CNTN1: variants seen among roughly 807,000 people sequenced by gnomAD.
CNTN1 encodes contactin 1.
A neutral mutation model predicts 126.4 loss-of-function variants in CNTN1; 38 were observed. The observed-to-expected ratio is 0.30, with a 90% CI of 0.23 to 0.39. The LOEUF is 0.39. CNTN1 is among the 10% of genes least tolerant of loss of function. The pLI, the probability that CNTN1 is intolerant of heterozygous loss-of-function variation, is 1.00. For missense variants in CNTN1, 1,009 were observed against 1,248.4 expected (o/e 0.81, Z 2.89); for synonymous variants, 413 against 422.6 (o/e 0.98, Z 0.28).
Position 40,922,418 on chromosome 12 carries a change from G to C in CNTN1, c.390G>C (p.Leu130=). The change falls in exon 5 of 24, where the codon CTG becomes CTC. Residue 130 remains leucine (L), a synonymous_variant. Coordinates refer to ENST00000551295, the MANE Select transcript of CNTN1 (RefSeq NM_001843.4). Reference sequence around the variant, plus strand: ...TGGTCAGAAGCACTGAAGCAACCCTGAGCTTTGGATGTAAGTAAACTGTAA... The same window carrying C: ...TGGTCAGAAGCACTGAAGCAACCCTCAGCTTTGGATGTAAGTAAACTGTAA... The part of the protein sequence containing the change: ...YGMVRSTEAT[L]SFGYLDPFPP... 1 of 1,613,932 alleles carries C rather than the reference G, an allele frequency of 6.2e-7. No homozygotes were observed. Among genetic ancestry groups the C allele is most frequent in the Non-Finnish European group, 8.5e-7 (1 of 1,179,880 alleles).
At chr12:40,867,267 G>A (rs1469285099) in intron 1 of CNTN1, among the ~76,000 whole-genome samples, 2 of 152,102 alleles carry the variant, frequency 1.3e-5, no homozygotes, top group Non-Finnish European at 2.9e-5. Context: ...CACCCCATCT[G>A]CATCCATACA....
At chr12:40,984,534 G>C (rs1051437612) in intron 16 of CNTN1, among the ~76,000 whole-genome samples, 1 of 152,076 alleles carries the variant, frequency 6.6e-6, no homozygotes, top group Admixed American at 6.6e-5. Flanking sequence ...TAGGCTCTTC[G>C]TAACAATCAG....
intron 1 of CNTN1, among the ~76,000 whole-genome samples, chr12:40,789,753 A>C (rs1565738540): frequency 6.6e-6 from 1 of 152,140 alleles, no homozygotes; most frequent in Non-Finnish European, 1.5e-5. Flanking sequence ...CATGTTGTAA[A>C]TTCTTCAAAA....
rs956397107 is a variant in CNTN1 at position 40,906,064 on chromosome 12, A to G, written c.-76-2293A>G. 4.3e-4 allele frequency among the ~76,000 whole-genome samples: 65 copies of G among 152,282 alleles called. 1 individual carries two copies. Among genetic ancestry groups the G allele is most frequent in the Non-Finnish European group, 8.1e-4 (55 of 68,018 alleles). Reference sequence around the variant, plus strand: ...GCCGAGGCGGGCGGATCACGAGGTCAGGAGATCGAGACCATCCTAACACGG... The same window carrying G: ...GCCGAGGCGGGCGGATCACGAGGTCGGGAGATCGAGACCATCCTAACACGG... On this transcript the variant is annotated intron_variant, in intron 1 of 23. Transcript: ENST00000551295.
chr12:40,773,558 AAC>A (rs1158487249), intron 1 of CNTN1, among the ~76,000 whole-genome samples: 2 of 150,494 alleles, frequency 1.3e-5, no homozygotes, highest in East Asian at 3.9e-4. Context: ...AACAAAACAA[AAC>A]AGTGTTAGCT....
At chr12:40,815,344 C>G (rs1189668842) in intron 1 of CNTN1, among the ~76,000 whole-genome samples, 2 of 151,996 alleles carry the variant, frequency 1.3e-5, no homozygotes, top group Non-Finnish European at 2.9e-5. Flanking sequence ...GTTTGTAGTT[C>G]TCCTTGAAGA....
At chr12:40,715,905 A>G (rs1364068414) in intron 1 of CNTN1, among the ~76,000 whole-genome samples, 1 of 152,136 alleles carries the variant, frequency 6.6e-6, no homozygotes, top group Non-Finnish European at 1.5e-5. Flanking sequence ...CACCATTCAG[A>G]CATTCAGAGT....
chr12:40,718,075 G>T (rs973258820), intron 1 of CNTN1, among the ~76,000 whole-genome samples: 2 of 152,016 alleles, frequency 1.3e-5, no homozygotes, highest in Non-Finnish European at 2.9e-5. Flanking sequence ...CTCATCTGAC[G>T]GATATCTCTT....
At chr12:40,874,987 G>T (rs573687225) in intron 1 of CNTN1, among the ~76,000 whole-genome samples, 1 of 152,068 alleles carries the variant, frequency 6.6e-6, no homozygotes, top group Non-Finnish European at 1.5e-5. Flanking sequence ...AAGGTAATCA[G>T]GCCAAGATGT....
chr12:40,958,421 G>A (rs775214445), intron 14 of CNTN1, among the ~76,000 whole-genome samples: 1 of 150,944 alleles, frequency 6.6e-6, no homozygotes, highest in African/African-American at 2.4e-5. Flanking sequence ...ACCAGGACCC[G>A]GTATAGAGTA....
chr12:41,043,621 C>T (rs138203601), intron 23 of CNTN1, among the ~76,000 whole-genome samples: 2,614 of 152,130 alleles, frequency 0.017, 34 homozygotes, highest in Non-Finnish European at 0.027. Context: ...ACTAGAAATA[C>T]CATTTGACCC....
At chr12:40,853,365 T>A (rs1031096454) in intron 1 of CNTN1, among the ~76,000 whole-genome samples, 2 of 152,162 alleles carry the variant, frequency 1.3e-5, no homozygotes, top group African/African-American at 4.8e-5. Context: ...ATTAGTGGAT[T>A]AACTAAAGTA....
intron 1 of CNTN1, among the ~76,000 whole-genome samples, chr12:40,760,735 T>A (rs1461502037): frequency 6.6e-6 from 1 of 152,178 alleles, no homozygotes; most frequent in African/African-American, 2.4e-5. Context: ...TAAATCTAGT[T>A]GATAGCTCAC....
chr12:40,704,108 A>G (rs1941673266), intron 1 of CNTN1, among the ~76,000 whole-genome samples: 1 of 152,228 alleles, frequency 6.6e-6, no homozygotes, highest in African/African-American at 2.4e-5. Context: ...GCTGAAGAGC[A>G]GAAAAAGAAA....
rs1208093195 is a variant in CNTN1, at chr12:40,813,058, TCTTCCTTCCTTC to T, written c.-76-95279_-76-95268del. On this transcript the variant is annotated intron_variant, in intron 1 of 23. Transcript: ENST00000551295. ...TCTTTCCTTTCTTTCTTTCTTTCTT[TCTTCCTTCCTTC>T]CTTCCTTCCTTCCTTCCTTTCTTTC... Among the ~76,000 whole-genome samples the T allele has an allele frequency of 1.2e-3, 127 of 104,798 alleles. 1 individual carries two copies. Among genetic ancestry groups the T allele is most frequent in the African/African-American group, 4.1e-3 (118 of 28,704 alleles). 68.8% of individuals were successfully genotyped at this position (104,798 alleles called of 152,430 possible). A position where few individuals can be genotyped will look rare whatever the true frequency, so the allele number is the denominator to read the frequency against.
At chr12:41,067,766 T>TAA (rs71081704) in intron 23 of CNTN1, among the ~76,000 whole-genome samples, 25,079 of 143,998 alleles carry the variant, frequency 0.17, 2,740 homozygotes, top group African/African-American at 0.32. Context: ...TAAAGTATAA[T>TAA]AAAAAAAAAA....
intron 1 of CNTN1, among the ~76,000 whole-genome samples, chr12:40,806,114 T>G (rs553170376): frequency 1.3e-5 from 2 of 152,064 alleles, no homozygotes; most frequent in South Asian, 4.1e-4. Context: ...TATATCGGAG[T>G]GCAAGGATAA....
chr12:40,911,508 C>A (rs1945035783), intron 3 of CNTN1, among the ~76,000 whole-genome samples: 1 of 152,226 alleles, frequency 6.6e-6, no homozygotes, highest in Non-Finnish European at 1.5e-5. Context: ...TAGCCTATGG[C>A]TGCTTTTTCC....
chr12:40,989,933 TAGAC>T (rs922676291), intron 16 of CNTN1, among the ~76,000 whole-genome samples: 9 of 152,074 alleles, frequency 5.9e-5, no homozygotes, highest in East Asian at 1.9e-4. Flanking sequence ...GCTGGGAAAA[TAGAC>T]AGAAAGTGTT....
Sources: allele counts gnomAD v4.1 joint callset (sites outside exome capture counted in the v4.1 genomes callset), GRCh38; gene constraint gnomAD v4.1.1; transcripts MANE v1.5; gene names NCBI Gene and HGNC (gene_info 2026-07-23, HGNC 2026-07-21).